The following KCNN3 variants were observed in gnomAD, a reference collection of about 807,000 sequenced individuals.
KCNN3 encodes small conductance calcium-activated potassium channel protein 3.
In KCNN3, 16 loss-of-function variants were observed where a neutral mutation model predicts 62.9. That is an observed-to-expected ratio of 0.25 (90% CI 0.17 to 0.39). The LOEUF (loss-of-function observed/expected upper bound fraction) is 0.39, where lower values mean the gene tolerates loss of function less well. KCNN3 is among the 10% of genes least tolerant of loss of function. The probability of loss-of-function intolerance (pLI) is 1.00; values close to 1 mark genes in which losing one functional copy is unlikely to be tolerated. For synonymous variants in KCNN3, 370 were observed against 389.2 expected (o/e 0.95, Z 0.58); for missense variants, 599 against 949.4 (o/e 0.63, Z 4.85).
chr1:154,858,954 C>G (rs1458875998), intron 1 of KCNN3, among the ~76,000 whole-genome samples: 2 of 152,198 alleles, frequency 1.3e-5, no homozygotes, highest in African/African-American at 4.8e-5. Context: ...AGGGATCTTG[C>G]CCACCCAGGC....
intron 2 of KCNN3, among the ~76,000 whole-genome samples, chr1:154,774,565 CT>C (rs749734478): frequency 2.7e-4 from 41 of 152,352 alleles, no homozygotes; most frequent in Admixed American, 5.2e-4. Flanking sequence ...GTGCAGGCAC[CT>C]CACTTCTGGG....
chr1:154,822,410 C>T (rs1464080911), intron 1 of KCNN3, among the ~76,000 whole-genome samples: 4 of 152,196 alleles, frequency 2.6e-5, no homozygotes, highest in South Asian at 4.1e-4. Context: ...TCTGTTTTCT[C>T]GGGCTAAGTC....
chr1:154,830,786 C>G (rs1345867910), intron 1 of KCNN3, among the ~76,000 whole-genome samples: 1 of 152,074 alleles, frequency 6.6e-6, no homozygotes, highest in Non-Finnish European at 1.5e-5. Flanking sequence ...ACCAGGACAC[C>G]AATTAAGAGA....
intron 1 of KCNN3, among the ~76,000 whole-genome samples, chr1:154,848,332 C>G (rs1652163950): frequency 1.3e-5 from 2 of 152,156 alleles, no homozygotes; most frequent in Admixed American, 1.3e-4. Context: ...CTCCCCAGAC[C>G]TCCCCCCATA....
intron 5 of KCNN3, among the ~76,000 whole-genome samples, chr1:154,716,454 A>G (rs145906457): frequency 3.5e-4 from 53 of 152,350 alleles, no homozygotes; most frequent in African/African-American, 1.2e-3. Flanking sequence ...GACTGACATC[A>G]ACAGATGGGA....
At chr1:154,710,279 C>T (rs769425003) in intron 7 of KCNN3, among the ~76,000 whole-genome samples, 4 of 152,138 alleles carry the variant, frequency 2.6e-5, no homozygotes, top group Non-Finnish European at 5.9e-5. Flanking sequence ...GAGAACACAG[C>T]GTTATTGTCT....
intron 1 of KCNN3, chr1:154,868,370 T>C (rs2101941202): frequency 2.9e-5 from 29 of 988,410 alleles, no homozygotes; most frequent in Admixed American, 5.9e-5. Flanking sequence ...TTTTACCCCA[T>C]GCCCTCAGGA....
At chr1:154,850,078 G>A (rs971860938) in intron 1 of KCNN3, among the ~76,000 whole-genome samples, 2 of 152,028 alleles carry the variant, frequency 1.3e-5, no homozygotes, top group Non-Finnish European at 2.9e-5. Context: ...CATGCCACTC[G>A]CCAGGCATCC....
At position 154,864,412 on chromosome 1, in the gene KCNN3, C is replaced by T. The variant is rs537779688; in HGVS notation, c.933+4620G>A. Among the ~76,000 whole-genome samples, 19 of 152,384 alleles carry T rather than the reference C, an allele frequency of 1.2e-4. No individual in the cohort carries two copies. In the East Asian group the frequency reaches 3.3e-3, roughly 26 times the overall value. ...CTGCTCTGCCCTTCTGCAGACAAGG[C>T]TTCCGTGACCAGGGAGAGCAGAGGA... is the stretch of plus-strand genomic sequence containing the variant. On this transcript the variant is annotated intron_variant, in intron 1 of 7. Coordinates refer to ENST00000271915, the MANE Select transcript of KCNN3 (RefSeq NM_002249.6).
chr1:154,811,376 G>T (rs536728818), intron 2 of KCNN3, among the ~76,000 whole-genome samples: 6 of 152,262 alleles, frequency 3.9e-5, no homozygotes, highest in Non-Finnish European at 8.8e-5. Flanking sequence ...ATATATATAA[G>T]AATATAATTA....
chr1:154,806,905 G>A (rs2101879482), intron 2 of KCNN3, among the ~76,000 whole-genome samples: 1 of 152,240 alleles, frequency 6.6e-6, no homozygotes. Context: ...CCACCAGGGT[G>A]CCCAAGGACT....
intron 7 of KCNN3, among the ~76,000 whole-genome samples, chr1:154,709,195 T>A (rs1418826506): frequency 1.3e-5 from 2 of 152,080 alleles, no homozygotes; most frequent in Admixed American, 6.5e-5. Context: ...AGAGTCCCAG[T>A]CTATGCAACA....
At chr1:154,817,158 C>G (rs1424760078) in intron 2 of KCNN3, among the ~76,000 whole-genome samples, 1 of 152,180 alleles carries the variant, frequency 6.6e-6, no homozygotes, top group Admixed American at 6.5e-5. Context: ...ATATTCAAAC[C>G]TACCCCCAAA....
intron 3 of KCNN3, among the ~76,000 whole-genome samples, chr1:154,754,382 G>T (rs1417831991): frequency 6.6e-6 from 1 of 152,078 alleles, no homozygotes; most frequent in Admixed American, 6.5e-5. Flanking sequence ...GCATAAGGAT[G>T]GGGAACGATT....
In KCNN3 at chr1:154,869,819, G is replaced by A; in HGVS notation, c.146C>T (p.Ala49Val). ...QQQPPPPAPP[A>V]APQQPLGPSL... Reference sequence around the variant, plus strand: ...GGGTCCCAGGGGCTGCTGGGGGGCTGCTGGTGGCGCTGGCGGTGGTGGCTG... The same window carrying A: ...GGGTCCCAGGGGCTGCTGGGGGGCTACTGGTGGCGCTGGCGGTGGTGGCTG... Residue 49 changes from alanine (A) to valine (V), a missense_variant, in exon 1 of 8, where the codon GCA becomes GTA. By Grantham distance (64) the Ala-to-Val change is moderately conservative. Transcript: ENST00000271915. This position sits in a 1 kb window ranked among gnomAD's most constrained non-coding sequence, Gnocchi z 6.1. 3.2e-6 allele frequency: 5 copies of A among 1,561,400 alleles called. No individual in the cohort carries two copies. Among genetic ancestry groups the A allele is most frequent in the South Asian group, 2.3e-5 (2 of 85,248 alleles).
At position 154,870,175 on chromosome 1, in the gene KCNN3, C is replaced by A; in HGVS notation, c.-211G>T. 1 of 715,738 alleles carries A rather than the reference C, an allele frequency of 1.4e-6. No individual in the cohort carries two copies. The allele number at this position is 715,738 out of a possible 1,614,324, so 44.3% of individuals were successfully genotyped here. A position where few individuals can be genotyped will look rare whatever the true frequency, so the allele number is the denominator to read the frequency against. On this transcript the variant is annotated 5_prime_UTR_variant, in exon 1 of 8. Coordinates refer to ENST00000271915, the MANE Select transcript of KCNN3 (RefSeq NM_002249.6). ...CATTGTATTGGGCAGGGAGGGAGAG[C>A]AGGAGGGGAGCTTGGAGAAAGAAGA... is the stretch of plus-strand genomic sequence containing the variant.
intron 7 of KCNN3, among the ~76,000 whole-genome samples, chr1:154,712,044 AAG>A (rs530815044): frequency 3.6e-4 from 54 of 151,654 alleles, no homozygotes; most frequent in African/African-American, 1.3e-3. Context: ...AAGGGAGAGG[AAG>A]AGAGAGACAG....
chr1:154,868,330 G>T (rs972166372), intron 1 of KCNN3: 2 of 987,158 alleles, frequency 2.0e-6, no homozygotes, highest in African/African-American at 1.7e-5. Context: ...TCTCCTGAGG[G>T]AAAGGACCAC....
chr1:154,838,189 G>C lies in KCNN3; in HGVS notation c.934-16005C>G, dbSNP rs917694662. 1.2e-4 allele frequency among the ~76,000 whole-genome samples: 18 copies of C among 152,254 alleles called. 1 individual carries two copies. The East Asian group carries it at 3.5e-3, about 29-fold the overall frequency. Reference sequence around the variant, plus strand: ...CGGGTGTGGAGAACGTCAGGGCTAAGACAGACCTTAGAGTCTTTGCATCTT... The same window carrying C: ...CGGGTGTGGAGAACGTCAGGGCTAACACAGACCTTAGAGTCTTTGCATCTT... On this transcript the variant is annotated intron_variant, in intron 1 of 7. Coordinates refer to ENST00000271915, the MANE Select transcript of KCNN3 (RefSeq NM_002249.6).
Sources: allele counts gnomAD v4.1 joint callset (sites outside exome capture counted in the v4.1 genomes callset), GRCh38; gene constraint gnomAD v4.1.1; non-coding constraint Gnocchi (gnomAD v3.1); transcripts MANE v1.5; gene names NCBI Gene and HGNC (gene_info 2026-07-23, HGNC 2026-07-21).